PRH1: variants seen among roughly 807,000 people sequenced by gnomAD.
PRH1 encodes proline rich protein HaeIII subfamily 1.
PRH1 carries 7 observed loss-of-function variants against 7.9 expected under a neutral mutation model. The ratio of observed to expected loss-of-function variants is 0.89; its 90% CI spans 0.50 to 1.67. PRH1 has a LOEUF of 1.67. Among genes scored for constraint, PRH1 ranks in the 40% most tolerant of loss-of-function variants. The probability of loss-of-function intolerance (pLI) is 0.00; values close to 1 mark genes in which losing one functional copy is unlikely to be tolerated. For missense variants in PRH1, 109 were observed against 223.6 expected (o/e 0.49, Z 3.27); for synonymous variants, 45 against 80.8 (o/e 0.56, Z 2.38).
intron 1 of PRH1, among the ~76,000 whole-genome samples, chr12:11,121,705 TTACTC>T (rs1238484945): frequency 6.6e-6 from 1 of 151,990 alleles, no homozygotes; most frequent in African/African-American, 2.4e-5. Flanking sequence ...TATACAAAAT[TTACTC>T]TACGTATGTT....
At chr12:11,083,427 T>A (rs1362431931) in intron 1 of PRH1, among the ~76,000 whole-genome samples, 2 of 151,288 alleles carry the variant, frequency 1.3e-5, no homozygotes, top group Non-Finnish European at 3.0e-5. Flanking sequence ...GCAAAAATTC[T>A]AATTACAATG....
intron 1 of PRH1, among the ~76,000 whole-genome samples, chr12:11,010,865 T>C (rs1296053881): frequency 6.6e-6 from 1 of 151,968 alleles, no homozygotes; most frequent in Non-Finnish European, 1.5e-5. Flanking sequence ...ATTCCATATA[T>C]TTATTCATAT....
chr12:10,923,385 T>TCC (rs1950079933), intron 2 of PRH1, among the ~76,000 whole-genome samples: 1 of 152,194 alleles, frequency 6.6e-6, no homozygotes, highest in Admixed American at 6.5e-5. Flanking sequence ...CGCCTTGGCC[T>TCC]CCCAAAGTGC....
downstream of PRH1, among the ~76,000 whole-genome samples, chr12:11,117,889 A>G (rs1194845973): frequency 1.3e-5 from 2 of 152,140 alleles, no homozygotes; most frequent in Non-Finnish European, 2.9e-5. Context: ...AACTAGGCCC[A>G]TATATCTATA....
chr12:11,009,501 G>C (rs1047036887), intron 1 of PRH1, among the ~76,000 whole-genome samples: 4 of 151,860 alleles, frequency 2.6e-5, no homozygotes, highest in Admixed American at 6.6e-5. Context: ...TAATCCTCCA[G>C]AACTCCAGAA....
At chr12:11,167,578 G>A (rs1221186319) in intron 1 of PRH1, among the ~76,000 whole-genome samples, 1 of 151,908 alleles carries the variant, frequency 6.6e-6, no homozygotes, top group East Asian at 1.9e-4. Flanking sequence ...CCGAGTAGGT[G>A]GGACTACAGG....
At chr12:11,018,496 C>G (rs1356248979) in intron 1 of PRH1, among the ~76,000 whole-genome samples, 1 of 148,718 alleles carries the variant, frequency 6.7e-6, no homozygotes, top group East Asian at 2.0e-4. Flanking sequence ...CCACCTGGGA[C>G]TTGAATGTAT....
intron 2 of PRH1, among the ~76,000 whole-genome samples, chr12:10,961,211 A>C (rs1223433952): frequency 3.1e-4 from 45 of 143,734 alleles, no homozygotes; most frequent in Admixed American, 3.0e-3. Context: ...AATTAGTGCA[A>C]GACCATTCCC....
intron 1 of PRH1, chr12:10,996,944 A>G: frequency 6.3e-7 from 1 of 1,595,446 alleles, no homozygotes; most frequent in South Asian, 1.1e-5. Context: ...CCTCTTGTGA[A>G]TCTATGGAGT....
chr12:10,986,873 A>G (rs986631775), intron 1 of PRH1: 5 of 1,477,182 alleles, frequency 3.4e-6, no homozygotes, highest in Non-Finnish European at 4.5e-6. Flanking sequence ...CTGAGCAGAA[A>G]AAAAGAAAGA....
At chr12:11,058,125 GCT>G (rs1943440841) in intron 1 of PRH1, among the ~76,000 whole-genome samples, 1 of 152,068 alleles carries the variant, frequency 6.6e-6, no homozygotes, top group African/African-American at 2.4e-5. Flanking sequence ...AGTCCCAGCT[GCT>G]AGCAATGCTG....
intron 1 of PRH1, among the ~76,000 whole-genome samples, chr12:11,115,107 T>G (rs931937103): frequency 1.3e-5 from 2 of 152,050 alleles, no homozygotes; most frequent in Non-Finnish European, 2.9e-5. Context: ...ATAGTCTGGC[T>G]AAATGGAAAA....
At chr12:11,106,555 C>T (rs1945421277) in intron 1 of PRH1, among the ~76,000 whole-genome samples, 1 of 151,904 alleles carries the variant, frequency 6.6e-6, no homozygotes, top group Non-Finnish European at 1.5e-5. Flanking sequence ...ACTTAAAAAA[C>T]ACGTTTTCCA....
chr12:11,071,680 C>A (rs1282267247), intron 1 of PRH1, among the ~76,000 whole-genome samples: 1 of 151,756 alleles, frequency 6.6e-6, no homozygotes. Flanking sequence ...AGAAGGCCAG[C>A]AAGTTGGGGC....
intron 1 of PRH1, among the ~76,000 whole-genome samples, chr12:11,009,589 T>G (rs1451220929): frequency 6.6e-6 from 1 of 151,964 alleles, no homozygotes; most frequent in Non-Finnish European, 1.5e-5. Context: ...GTTAGTACTC[T>G]AGCCATGAAA....
chr12:10,888,446 A>G (rs1326844723), upstream of PRH1, among the ~76,000 whole-genome samples: 1 of 152,196 alleles, frequency 6.6e-6, no homozygotes, highest in Non-Finnish European at 1.5e-5. Context: ...AGATATTTGC[A>G]TGAGAATATG....
chr12:10,899,016 G>T (rs753987653), intron 2 of PRH1, among the ~76,000 whole-genome samples: 1 of 152,192 alleles, frequency 6.6e-6, no homozygotes, highest in East Asian at 1.9e-4. Context: ...AATATTTAAC[G>T]CCTGCCCTGC....
intron 2 of PRH1, among the ~76,000 whole-genome samples, chr12:10,937,247 C>A (rs1041559249): frequency 1.4e-5 from 2 of 147,628 alleles, no homozygotes; most frequent in Non-Finnish European, 3.0e-5. Flanking sequence ...TGTGTGTGTG[C>A]GTGCGTGTGT....
chr12:10,919,674 G>C (rs554601344), intron 2 of PRH1, among the ~76,000 whole-genome samples: 1 of 147,984 alleles, frequency 6.8e-6, no homozygotes, highest in African/African-American at 2.5e-5. Context: ...AACAGTCTAC[G>C]TTTTTTTTTT....
Sources: gnomAD v4.1 joint callset for allele counts (sites outside exome capture counted in the v4.1 genomes callset) on GRCh38, gnomAD v4.1.1 for gene constraint, MANE v1.5 for transcripts, NCBI Gene and HGNC (gene_info 2026-07-23, HGNC 2026-07-21) for gene names.